Variants in SLC2A13 observed in about 807,000 individuals in gnomAD.
SLC2A13 encodes the protein solute carrier family 2 member 13, also known as proton myo-inositol cotransporter.
Under a neutral mutation model 64.4 loss-of-function variants are expected in SLC2A13, and 32 were observed. The observed-to-expected ratio is 0.50, with a 90% CI of 0.37 to 0.67. The LOEUF (loss-of-function observed/expected upper bound fraction) is 0.67, where lower values mean the gene tolerates loss of function less well. Ranked by LOEUF, SLC2A13 falls within the 30% of genes least tolerant of loss-of-function variation. The probability of loss-of-function intolerance (pLI) is 0.00; values close to 1 mark genes in which losing one functional copy is unlikely to be tolerated. For synonymous variants in SLC2A13, 338 were observed against 327.1 expected (o/e 1.03, Z -0.36); for missense variants, 743 against 829.2 (o/e 0.90, Z 1.28).
At chr12:39,809,842 CT>C (rs1218931200) in intron 7 of SLC2A13, among the ~76,000 whole-genome samples, 1 of 152,202 alleles carries the variant, frequency 6.6e-6, no homozygotes, top group South Asian at 2.1e-4. Flanking sequence ...TGAACTCATC[CT>C]TTTTTATGGC....
chr12:40,074,860 C>T (rs1222133774), intron 1 of SLC2A13, among the ~76,000 whole-genome samples: 2 of 152,194 alleles, frequency 1.3e-5, no homozygotes, highest in Non-Finnish European at 2.9e-5. Context: ...TTTAGTGAGG[C>T]TGTGCCTCTG....
intron 7 of SLC2A13, among the ~76,000 whole-genome samples, chr12:39,802,673 TTATATA>T (rs751764329): frequency 6.6e-6 from 1 of 152,160 alleles, no homozygotes; most frequent in Non-Finnish European, 1.5e-5. Context: ...ATATTTATAT[TTATATA>T]TGTCTATGTA....
intron 7 of SLC2A13, among the ~76,000 whole-genome samples, chr12:39,773,112 A>G (rs1940644677): frequency 6.6e-6 from 1 of 152,260 alleles, no homozygotes; most frequent in African/African-American, 2.4e-5. Flanking sequence ...GAAAAGGAAC[A>G]AAAATACTTT....
At chr12:39,888,482 CCCAA>C (rs1944523203) in intron 4 of SLC2A13, among the ~76,000 whole-genome samples, 1 of 152,234 alleles carries the variant, frequency 6.6e-6, no homozygotes, top group Non-Finnish European at 1.5e-5. Context: ...TCCTCGGCCT[CCCAA>C]AGTGTTGGGA....
At position 39,837,535 on chromosome 12, in the gene SLC2A13, C is replaced by T. The variant is rs547154981; in HGVS notation, c.1320-7307G>A. Among the ~76,000 whole-genome samples the T allele has an allele frequency of 7.0e-5, 10 of 142,468 alleles. No individual in the cohort carries two copies. In the East Asian group the frequency reaches 1.0e-3, roughly 15 times the overall value. The allele number at this position is 142,468 out of a possible 152,430, so 93.5% of individuals were successfully genotyped here. ...AGCTTCTGCACAGCAAAAGAAACTACCATCAGAGTGAACAGGCAACCTACA... is the reference window on the plus strand; with the variant it reads ...AGCTTCTGCACAGCAAAAGAAACTATCATCAGAGTGAACAGGCAACCTACA... On this transcript the variant is annotated intron_variant, in intron 6 of 9. Coordinates refer to ENST00000280871, the MANE Select transcript of SLC2A13 (RefSeq NM_052885.4).
chr12:40,033,571 C>T (rs966209457), intron 2 of SLC2A13, among the ~76,000 whole-genome samples: 2 of 152,158 alleles, frequency 1.3e-5, no homozygotes, highest in African/African-American at 4.8e-5. Context: ...CCTATCCTTA[C>T]TAAATCAAAA....
chr12:39,899,874 A>G (rs1024993371), intron 4 of SLC2A13, among the ~76,000 whole-genome samples: 1 of 151,990 alleles, frequency 6.6e-6, no homozygotes, highest in African/African-American at 2.4e-5. Context: ...GTTCTTTTAC[A>G]TTTGCTGAGG....
rs1183911411 is a variant in SLC2A13 at position 39,895,551 on chromosome 12, T to TACAC, written c.1035-23594_1035-23591dup. On this transcript the variant is annotated intron_variant, in intron 4 of 9. Coordinates refer to ENST00000280871, the MANE Select transcript of SLC2A13 (RefSeq NM_052885.4). ...ATATATATATATATATATATATATA[T>TACAC]ACACACACACACACACGTGTATATG... is the stretch of plus-strand genomic sequence containing the variant. Among the ~76,000 whole-genome samples the TACAC allele has an allele frequency of 3.0e-3, 198 of 66,726 alleles. 23 individuals are homozygous for TACAC. Among genetic ancestry groups the TACAC allele is most frequent in the African/African-American group, 9.4e-3 (151 of 16,006 alleles). The allele number at this position is 66,726 out of a possible 152,430, so 43.8% of individuals were successfully genotyped here.
chr12:39,810,310 T>C (rs1942113680), intron 7 of SLC2A13, among the ~76,000 whole-genome samples: 1 of 152,246 alleles, frequency 6.6e-6, no homozygotes, highest in Non-Finnish European at 1.5e-5. Flanking sequence ...AATTAGCCTT[T>C]AAAATATTTC....
At chr12:39,849,839 G>T (rs1943418510) in intron 6 of SLC2A13, among the ~76,000 whole-genome samples, 1 of 151,762 alleles carries the variant, frequency 6.6e-6, no homozygotes, top group East Asian at 1.9e-4. Context: ...GCATTATATG[G>T]CTACTCCCTT....
At chr12:40,042,181 C>G (rs1488366995) in intron 2 of SLC2A13, among the ~76,000 whole-genome samples, 1 of 151,982 alleles carries the variant, frequency 6.6e-6, no homozygotes, top group Non-Finnish European at 1.5e-5. Context: ...ACTAGCACAA[C>G]CAGACATTTA....
chr12:39,830,579 T>C, intron 6 of SLC2A13: 1 of 715,482 alleles, frequency 1.4e-6, no homozygotes, highest in Non-Finnish European at 1.7e-6. Context: ...CTCATTGTGA[T>C]CCAGCCCTGA....
intron 4 of SLC2A13, among the ~76,000 whole-genome samples, chr12:39,889,065 T>C (rs1944537281): frequency 2.0e-5 from 3 of 152,154 alleles, no homozygotes; most frequent in Admixed American, 2.0e-4. Flanking sequence ...TGGTTTTAGA[T>C]ATATTTACAA....
At chr12:39,763,302 A>G (rs1158353095) in intron 9 of SLC2A13, among the ~76,000 whole-genome samples, 2 of 152,110 alleles carry the variant, frequency 1.3e-5, no homozygotes, top group African/African-American at 4.8e-5. Context: ...TTATGAAGAT[A>G]ATAAAAGCAT....
chr12:39,839,025 C>T (rs1943105848), intron 6 of SLC2A13, among the ~76,000 whole-genome samples: 1 of 152,004 alleles, frequency 6.6e-6, no homozygotes, highest in South Asian at 2.1e-4. Flanking sequence ...TAATTGTGCT[C>T]ACTCACTCCT....
chr12:39,832,416 G>C (rs4638370), intron 6 of SLC2A13, among the ~76,000 whole-genome samples: 1 of 151,866 alleles, frequency 6.6e-6, no homozygotes. Context: ...GTAGTCCCTA[G>C]AAAAGTTCAA....
chr12:40,033,878 A>C (rs1360495309), intron 2 of SLC2A13, among the ~76,000 whole-genome samples: 1 of 152,068 alleles, frequency 6.6e-6, no homozygotes, highest in African/African-American at 2.4e-5. Flanking sequence ...CTTTCTCTTT[A>C]TTTTTCAATC....
At chr12:39,944,500 T>C (rs1037939501) in intron 4 of SLC2A13, among the ~76,000 whole-genome samples, 2 of 152,262 alleles carry the variant, frequency 1.3e-5, no homozygotes, top group Non-Finnish European at 2.9e-5. Context: ...GGTCTATTAG[T>C]AATTGTTTTA....
chr12:39,795,476 C>T (rs1269278314), intron 7 of SLC2A13, among the ~76,000 whole-genome samples: 1 of 152,120 alleles, frequency 6.6e-6, no homozygotes, highest in Non-Finnish European at 1.5e-5. Context: ...AAATCCAATA[C>T]CTCTAATCTT....
Sources: gnomAD v4.1 joint callset for allele counts (sites outside exome capture counted in the v4.1 genomes callset) on GRCh38, gnomAD v4.1.1 for gene constraint, MANE v1.5 for transcripts, NCBI Gene and HGNC (gene_info 2026-07-23, HGNC 2026-07-21) for gene names.